CEP131: variants seen among roughly 807,000 people sequenced by gnomAD.
The protein encoded by CEP131 is centrosomal protein 131.
In CEP131, 99 loss-of-function variants were observed where a neutral mutation model predicts 136.8. The ratio of observed to expected loss-of-function variants is 0.72; its 90% confidence interval spans 0.62 to 0.86. The LOEUF is 0.86. CEP131 is among the 40% of genes least tolerant of loss of function. The pLI is 0.00. For synonymous variants in CEP131, 646 were observed against 612.7 expected, an observed-to-expected ratio of 1.05 and a Z score of -0.80; for missense variants, 1,459 against 1,463.0, an observed-to-expected ratio of 1.00 and a Z score of 0.04.
chr17:81,197,331 G>A (rs2061782330), intron 13 of CEP131: 4 of 553,714 alleles, frequency 7.2e-6, no homozygotes, highest in South Asian at 4.5e-5. Context: ...TAAAGTTCAC[G>A]TCACTGCTCC....
At chr17:81,192,631 G>A (rs756388071) in intron 19 of CEP131, 38 bp from the exon 20 acceptor site, 66 of 1,418,262 alleles carry the variant, frequency 4.7e-5, no homozygotes, top group African/African-American at 1.3e-4. Context: ...AGGGGTCATC[G>A]AGTAAGGAGT....
intron 2 of CEP131, among the ~76,000 whole-genome samples, chr17:81,217,865 T>C (rs531957265): frequency 9.2e-5 from 14 of 152,262 alleles, no homozygotes; most frequent in African/African-American, 3.1e-4. Flanking sequence ...GCAGAAAGGC[T>C]GGGAGTGTGG....
At chr17:81,218,710 G>A (rs934134541) in intron 2 of CEP131, among the ~76,000 whole-genome samples, 5 of 152,334 alleles carry the variant, frequency 3.3e-5, no homozygotes, top group Non-Finnish European at 7.4e-5. Flanking sequence ...CCCTTACCCC[G>A]GAACTCGGCT....
chr17:81,193,851 T>C (rs1002429486), intron 18 of CEP131, 75 bp downstream of exon 18: 28 of 1,468,074 alleles, frequency 1.9e-5, no homozygotes, highest in Non-Finnish European at 2.4e-5. Flanking sequence ...ACATGGGAAC[T>C]CCACTCCAGC....
At chr17:81,190,088 G>A (rs542986451) in intron 24 of CEP131, 113 bp from the exon 25 acceptor site, 1 of 959,212 alleles carries the variant, frequency 1.0e-6, no homozygotes, top group South Asian at 1.8e-5. Context: ...TCCCAGCCCT[G>A]CTGACCACGA....
rs1360257869 is a variant in CEP131 at position 81,194,972 on chromosome 17, C to A, written c.2017G>T (p.Glu673Ter). ...ATTAATTCTTTGAGTTTTTTAATCT[C>A]CTACGAGCAGAACAGGGCAGGAGGA... The part of the protein sequence containing the change: ...VAQAQAQHEL[E>*]IKKLKELMSA... Residue 673 changes from glutamate to a stop codon, truncating the protein, a stop_gained and splice_region_variant, in exon 17 of 26, where the codon GAG (glutamate) becomes TAG (stop). Coordinates refer to ENST00000450824, the MANE Select transcript of CEP131 (RefSeq NM_014984.4). LOFTEE classifies it high-confidence loss of function. 1.9e-6 allele frequency: 3 copies of A among 1,609,432 alleles called. No individual in the cohort carries two copies. Among genetic ancestry groups the A allele is most frequent in the Non-Finnish European group, 2.5e-6 (3 of 1,179,226 alleles).
chr17:81,202,533 A>G, intron 6 of CEP131, 135 bp from the exon 7 acceptor site: 2 of 1,049,722 alleles, frequency 1.9e-6, no homozygotes, highest in Non-Finnish European at 2.7e-6. Flanking sequence ...GCCGGGGCAG[A>G]GGGGGACAGC....
chr17:81,220,587 C>T (rs138247755), intron 1 of CEP131, among the ~76,000 whole-genome samples: 2,934 of 152,192 alleles, frequency 0.019, 114 homozygotes, highest in African/African-American at 0.067. Flanking sequence ...CTCTGCCTCC[C>T]GGGTTCAAGC....
At chr17:81,206,912 C>G (rs1237788472) in intron 4 of CEP131, 41 bp from the exon 5 acceptor site, 1 of 1,594,154 alleles carries the variant, frequency 6.3e-7, no homozygotes, top group Non-Finnish European at 8.5e-7. Context: ...CGCACACACC[C>G]AGACACCCCA....
At chr17:81,200,529 G>A (rs1023156684) in intron 7 of CEP131, 83 bp from the exon 8 acceptor site, 10 of 1,050,266 alleles carry the variant, frequency 9.5e-6, no homozygotes, top group African/African-American at 1.6e-5. Context: ...AGGTCGAGCC[G>A]GGGAAGAGAG....
At position 81,193,782 on chromosome 17, in the gene CEP131, C is replaced by T. The variant is rs966758510; in HGVS notation, c.2321+144G>A. 48 of 943,320 alleles carry T rather than the reference C, an allele frequency of 5.1e-5. No individual in the cohort carries two copies. In the Middle Eastern group the frequency reaches 1.0e-3, roughly 20 times the overall value. The allele number at this position is 943,320 out of a possible 1,614,324, so 58.4% of individuals were successfully genotyped here. ...TGAGGCTGGGCCCCCAAGGGCCACT[C>T]CAGGGCCAAGGGCCCTGCGTCCTCC... On this transcript the variant is annotated intron_variant, in intron 18 of 25. Coordinates refer to ENST00000450824, the MANE Select transcript of CEP131 (RefSeq NM_014984.4).
At chr17:81,222,648 G>A (rs73356072) in intron 1 of CEP131, 121 bp downstream of exon 1, 12,476 of 151,902 alleles carry the variant, frequency 0.082, 1,240 homozygotes, top group African/African-American at 0.24. Context: ...CCACTCACCT[G>A]TGCGTGCCCC....
intron 2 of CEP131, among the ~76,000 whole-genome samples, chr17:81,216,899 CAG>C (rs1377317353): frequency 6.6e-6 from 1 of 152,168 alleles, no homozygotes; most frequent in Non-Finnish European, 1.5e-5. Context: ...TAAGGGATGT[CAG>C]GGGAGGGATG....
rs1276076357 is a variant in CEP131 at position 81,196,935 on chromosome 17, C to T, written c.1768G>A (p.Ala590Thr). ...AGCAGTGCCAGCAGCGTTACCAGCG[C>T]TCTCTGCAGCAGCAGCATGGCCTGC... Reference protein sequence around the residue: ...KKQAMLLLQRALAQQRDLTAR... With the variant: ...KKQAMLLLQRTLAQQRDLTAR... Residue 590 changes from alanine (A) to threonine (T), a missense_variant, in exon 14 of 26, where the codon GCG becomes ACG. This residue lies in a region of CEP131 where 1,026 missense variants were observed against 964.2 expected (regional missense o/e 1.06). Coordinates refer to ENST00000450824, the MANE Select transcript of CEP131 (RefSeq NM_014984.4). 1.9e-6 allele frequency: 3 copies of T among 1,609,862 alleles called. No homozygotes were observed. The highest frequency in any genetic ancestry group is 1.3e-5 in the African/African-American group (1 of 75,002).
In CEP131 at chr17:81,192,379, GTATTC is replaced by G; in HGVS notation, c.2556_2560del (p.Asn853ProfsTer44). 6.2e-7 allele frequency: 1 copy of G among 1,603,760 alleles called. No individual in the cohort carries two copies. Among genetic ancestry groups the G allele is most frequent in the Admixed American group, 1.7e-5 (1 of 58,784 alleles). The stretch of plus-strand genomic sequence containing the variant: ...CTCCAGCTCCAGCTGCTGCTTCAGG[GTATTC>G]AGCTCCATCTGGGGGGCGGACATAA... On this transcript the variant is annotated frameshift_variant, in exon 21 of 26. Transcript: ENST00000450824. LOFTEE classifies it high-confidence loss of function.
intron 7 of CEP131, 126 bp downstream of exon 7, chr17:81,202,114 A>AT: frequency 3.3e-6 from 2 of 613,962 alleles, no homozygotes; most frequent in Non-Finnish European, 4.4e-6. Flanking sequence ...AAAAAAAAAA[A>AT]TTAAATTAAA....
At position 81,219,949 on chromosome 17, in the gene CEP131, G is replaced by A. The variant is rs565527344; in HGVS notation, c.108C>T (p.Ala36=). The A allele has an allele frequency of 1.4e-5, 23 of 1,611,630 alleles. No individual in the cohort carries two copies. The East Asian group carries it at 2.9e-4, about 20-fold the overall frequency. The change falls in exon 2 of 26, where the codon GCC becomes GCT. Residue 36 remains alanine (A), a synonymous_variant. Coordinates refer to ENST00000450824, the MANE Select transcript of CEP131 (RefSeq NM_014984.4). The surrounding 1 kb of genome is among the most constrained non-coding windows in gnomAD (Gnocchi z 4.0). ...PPPVSRRPGS[A]ATTKPIVRSV... is the part of the protein sequence containing the mutation. ...AGCGGACGATGGGCTTGGTGGTGGCGGCACTGCCAGGACGCCGGGACACAG... is the reference window on the plus strand; with the variant it reads ...AGCGGACGATGGGCTTGGTGGTGGCAGCACTGCCAGGACGCCGGGACACAG...
Position 81,203,513 on chromosome 17 carries a change from G to C in CEP131, c.610C>G (p.Gln204Glu). The change falls in exon 6 of 26, where the codon CAG becomes GAG. Residue 204 changes from glutamine (Q) to glutamate (E), a missense_variant. Gln to Glu is a conservative substitution (Grantham distance 29). Transcript: ENST00000450824. This position sits in a 1 kb window ranked among gnomAD's most constrained non-coding sequence, Gnocchi z 4.6. ...CCTTACTTGAGGGAGGGGGCAGTCT[G>C]GTTGGAGCTCTTGAGCGGAGGCGCC... The part of the protein sequence containing the change: ...ERAPPLKSSN[Q>E]TAPSLNNIIK... 1 of 1,606,126 alleles carries C rather than the reference G, an allele frequency of 6.2e-7. No homozygotes were observed. Among genetic ancestry groups the C allele is most frequent in the East Asian group, 2.2e-5 (1 of 44,720 alleles).
intron 21 of CEP131, 32 bp downstream of exon 21, chr17:81,192,286 A>T (rs745631405): frequency 9.4e-5 from 145 of 1,542,138 alleles, no homozygotes; most frequent in Non-Finnish European, 1.8e-5. Flanking sequence ...GCAGCCCCCA[A>T]CCCCTGCCCA....
Sources: gnomAD v4.1 joint callset for allele counts (sites outside exome capture counted in the v4.1 genomes callset) on GRCh38, gnomAD v4.1.1 for gene constraint, gnomAD v4.1.1 regional missense constraint, Gnocchi (gnomAD v3.1) non-coding constraint, MANE v1.5 for transcripts, NCBI Gene and HGNC (gene_info 2026-07-23, HGNC 2026-07-21) for gene names.